The following CCN2 variants were observed in gnomAD, a reference collection of about 807,000 sequenced individuals.
CCN2 encodes the protein cellular communication network factor 2.
CCN2 carries 22 observed loss-of-function variants against 33.2 expected under a neutral mutation model. That is an observed-to-expected ratio of 0.66 (90% CI 0.47 to 0.95). CCN2 has a LOEUF of 0.95. Ranked by LOEUF, CCN2 falls within the 40% of genes least tolerant of loss-of-function variation. The pLI, the probability that CCN2 is intolerant of heterozygous loss-of-function variation, is 0.00. For synonymous variants in CCN2, 178 were observed against 200.6 expected (o/e 0.89, Z 0.95); for missense variants, 469 against 498.8 (o/e 0.94, Z 0.57).
At chr6:131,951,029 G>A in intron 1 of CCN2, 37 bp from the exon 2 acceptor site, 1 of 1,255,520 alleles carries the variant, frequency 8.0e-7, no homozygotes. Context: ...GCGCTCGGTC[G>A]GCGCGCACGC....
rs1159831226 is a variant in CCN2, at chr6:131,949,251, T to C, written c.*13A>G. ...TTCCAGTCTAATGAGTTAATGTCTC[T>C]CACTCTCTGGCTTCATGCCATGTCT... On this transcript the variant is annotated 3_prime_UTR_variant, in exon 5 of 5. Transcript: ENST00000367976. The C allele has an allele frequency of 1.4e-5, 22 of 1,608,958 alleles. No individual in the cohort carries two copies. Among genetic ancestry groups the C allele is most frequent in the Non-Finnish European group, 1.7e-5 (20 of 1,175,780 alleles).
Position 131,950,082 on chromosome 6 carries a change from C to T in CCN2, c.620G>A (p.Ser207Asn). The T allele has an allele frequency of 6.2e-7, 1 of 1,614,256 alleles. No homozygotes were observed. Among genetic ancestry groups the T allele is most frequent in the Middle Eastern group, 1.6e-4 (1 of 6,062 alleles). The change falls in exon 4 of 5, where the codon AGC becomes AAC. Residue 207 changes from serine to asparagine, a missense_variant. By Grantham distance (46) the Ser-to-Asn change is conservative (BLOSUM62 1). Transcript: ENST00000367976. The surrounding 1 kb of genome is among the most constrained non-coding windows in gnomAD (Gnocchi z 7.1). ...ANCLVQTTEW[S>N]ACSKTCGMGI... ...CATCCCACAGGTCTTGGAACAGGCGCTCCACTCTGTGGTCTGGACCAGGCA... is the reference window on the plus strand; with the variant it reads ...CATCCCACAGGTCTTGGAACAGGCGTTCCACTCTGTGGTCTGGACCAGGCA...
intron 1 of CCN2, 48 bp from the exon 2 acceptor site, chr6:131,951,040 C>T: frequency 1.6e-6 from 2 of 1,257,164 alleles, no homozygotes; most frequent in Non-Finnish European, 2.0e-6. Context: ...GCGCGCACGC[C>T]CTCCCCGGCC....
rs1048097884 is a variant in CCN2 at position 131,951,354 on chromosome 6, C to A, written c.-182G>T. The A allele has an allele frequency of 2.2e-6, 1 of 444,740 alleles. No individual in the cohort carries two copies. Among genetic ancestry groups the A allele is most frequent in the Non-Finnish European group, 3.6e-6 (1 of 276,850 alleles). The allele number at this position is 444,740 out of a possible 1,614,324, so 27.5% of individuals were successfully genotyped here. A position where few individuals can be genotyped will look rare whatever the true frequency, so the allele number is the denominator to read the frequency against. On this transcript the variant is annotated 5_prime_UTR_variant, in exon 1 of 5. Coordinates refer to ENST00000367976, the MANE Select transcript of CCN2 (RefSeq NM_001901.4). ...AGTCGCACTGGCTGTCTCCTCTCAG[C>A]GGGGAAGAGTTGTTGTGTGAGTTTG... is the stretch of plus-strand genomic sequence containing the variant.
rs774650167 is a variant in CCN2, at chr6:131,950,285, G to C, written c.541+7C>G. Reference sequence around the variant, plus strand: ...ACGACCCTGACTTAGAGGAAGACTCGACTCACCCGCGAGGGCAGGCCCAAC... The same window carrying C: ...ACGACCCTGACTTAGAGGAAGACTCCACTCACCCGCGAGGGCAGGCCCAAC... On this transcript the variant is annotated splice_region_variant and intron_variant, in intron 3 of 4. Coordinates refer to ENST00000367976, the MANE Select transcript of CCN2 (RefSeq NM_001901.4). This position sits in a 1 kb window ranked among gnomAD's most constrained non-coding sequence, Gnocchi z 7.1. 1 of 1,612,608 alleles carries C rather than the reference G, an allele frequency of 6.2e-7. No individual in the cohort carries two copies. Among genetic ancestry groups the C allele is most frequent in the Non-Finnish European group, 8.5e-7 (1 of 1,178,826 alleles).
chr6:131,950,756 G>C lies in CCN2; in HGVS notation c.289+14C>G. ...GGCGGCCGGACACCTAGCGGTGGGG[G>C]CTGCGGGTCTTACCGGTGCACACGC... On this transcript the variant is annotated intron_variant, in intron 2 of 4. Coordinates refer to ENST00000367976, the MANE Select transcript of CCN2 (RefSeq NM_001901.4). This position sits in a 1 kb window ranked among gnomAD's most constrained non-coding sequence, Gnocchi z 7.1. 6.5e-7 allele frequency: 1 copy of C among 1,531,234 alleles called. No individual in the cohort carries two copies. 94.9% of individuals were successfully genotyped at this position (1,531,234 alleles called of 1,614,324 possible).
Position 131,949,934 on chromosome 6 carries a change from G to A in CCN2, c.753+15C>T. On this transcript the variant is annotated intron_variant, in intron 4 of 4. Transcript: ENST00000367976. The stretch of plus-strand genomic sequence containing the variant: ...TTTTCCTGTGAAAAATAGTTAATAG[G>A]AGCAGAACATGTACCTTAATGTTCT... The A allele has an allele frequency of 1.2e-6, 2 of 1,613,230 alleles. No individual in the cohort carries two copies. Among genetic ancestry groups the A allele is most frequent in the Non-Finnish European group, 1.7e-6 (2 of 1,179,424 alleles).
In CCN2 at chr6:131,950,399, C is replaced by T; in HGVS notation, c.434G>A (p.Ser145Asn). Residue 145 changes from serine (S) to asparagine (N), a missense_variant, in exon 3 of 5, where the codon AGC (serine) becomes AAC (asparagine). Transcript: ENST00000367976. This position sits in a 1 kb window ranked among gnomAD's most constrained non-coding sequence, Gnocchi z 7.1. Reference protein sequence around the residue: ...PLCSMDVRLPSPDCPFPRRVK... With the variant: ...PLCSMDVRLPNPDCPFPRRVK... Reference sequence around the variant, plus strand: ...CCTCCTCGGGAAGGGGCAGTCAGGGCTGGGCAGACGAACGTCCATGCTGCA... The same window carrying T: ...CCTCCTCGGGAAGGGGCAGTCAGGGTTGGGCAGACGAACGTCCATGCTGCA... The T allele has an allele frequency of 6.2e-7, 1 of 1,614,114 alleles. No homozygotes were observed. Among genetic ancestry groups the T allele is most frequent in the Non-Finnish European group, 8.5e-7 (1 of 1,180,040 alleles).
rs1278376410 is a variant in CCN2, at chr6:131,948,327, G to A, written c.*937C>T. The A allele has an allele frequency of 6.6e-6, 1 of 152,512 alleles. No individual in the cohort carries two copies. The highest frequency in any genetic ancestry group is 1.5e-5 in the Non-Finnish European group (1 of 68,012). The allele number at this position is 152,512 out of a possible 1,614,324, so 9.4% of individuals were successfully genotyped here. A position where few individuals can be genotyped will look rare whatever the true frequency, so the allele number is the denominator to read the frequency against. On this transcript the variant is annotated 3_prime_UTR_variant, in exon 5 of 5. Coordinates refer to ENST00000367976, the MANE Select transcript of CCN2 (RefSeq NM_001901.4). The stretch of plus-strand genomic sequence containing the variant: ...TGAAAAAACTGATCAGCTATATAGA[G>A]TCACTCAGTTTTTAATAAAGGCCAT...
In CCN2 at chr6:131,950,191, A is replaced by G. The variant is rs373920181; in HGVS notation, c.542-31T>C. ...AGAGCAGAGCACACAAACACCATGT[A>G]AAACGCCTGGATAAGGTATTTCCCC... On this transcript the variant is annotated intron_variant, in intron 3 of 4. Coordinates refer to ENST00000367976, the MANE Select transcript of CCN2 (RefSeq NM_001901.4). This position sits in a 1 kb window ranked among gnomAD's most constrained non-coding sequence, Gnocchi z 7.1. The G allele has an allele frequency of 3.0e-5, 48 of 1,613,800 alleles. No individual in the cohort carries two copies. In the African/African-American group the frequency reaches 6.3e-4, roughly 21 times the overall value.
In CCN2 at chr6:131,949,147, C is replaced by T. The variant is rs1783060942; in HGVS notation, c.*117G>A. 11 of 925,738 alleles carry T rather than the reference C, an allele frequency of 1.2e-5. No individual in the cohort carries two copies. The South Asian group carries it at 1.6e-4, about 13-fold the overall frequency. 57.3% of individuals were successfully genotyped at this position (925,738 alleles called of 1,614,324 possible). Reference sequence around the variant, plus strand: ...TTGAATTGGGTGGGAATCTTTTCCCCCAGTTAGAAAAACAGATTTAAATAA... The same window carrying T: ...TTGAATTGGGTGGGAATCTTTTCCCTCAGTTAGAAAAACAGATTTAAATAA... On this transcript the variant is annotated 3_prime_UTR_variant, in exon 5 of 5. Transcript: ENST00000367976.
chr6:131,948,642 TACAC>T lies in CCN2; in HGVS notation c.*618_*621del, dbSNP rs35220939. 3.1e-3 allele frequency: 466 copies of T among 151,498 alleles called. 1 individual carries two copies. The highest frequency in any genetic ancestry group is 4.5e-3 in the Non-Finnish European group (308 of 68,044). The allele number at this position is 151,498 out of a possible 1,614,324, so 9.4% of individuals were successfully genotyped here. On this transcript the variant is annotated 3_prime_UTR_variant, in exon 5 of 5. Transcript: ENST00000367976. ...AGATAACTGTACATATATATATATA[TACAC>T]ACACACACACACACACAATATTTAC...
rs1323332598 is a variant in CCN2 at position 131,950,514 on chromosome 6, C to T, written c.319G>A (p.Gly107Ser). 8.7e-6 allele frequency: 14 copies of T among 1,613,596 alleles called. No homozygotes were observed. Among genetic ancestry groups the T allele is most frequent in the Non-Finnish European group, 1.1e-5 (13 of 1,179,998 alleles). ...GACTCTCCGCTGCGGTACACCGTAC[C>T]ACCGAAGATGCAGGGAGCACCATCT... The part of the protein sequence containing the change: ...AKDGAPCIFG[G>S]TVYRSGESFQ... The change falls in exon 3 of 5, where the codon GGT (glycine) becomes AGT (serine). Residue 107 changes from glycine (G) to serine (S), a missense_variant. Physicochemically the swap from Gly to Ser is moderately conservative, Grantham distance 56 (BLOSUM62 0). Transcript: ENST00000367976. This position sits in a 1 kb window ranked among gnomAD's most constrained non-coding sequence, Gnocchi z 7.1.
At position 131,950,378 on chromosome 6, in the gene CCN2, C is replaced by G; in HGVS notation, c.455G>C (p.Arg152Thr). The G allele has an allele frequency of 6.2e-7, 1 of 1,614,132 alleles. No homozygotes were observed. The change falls in exon 3 of 5, where the codon AGG becomes ACG. Residue 152 changes from arginine to threonine, a missense_variant. Transcript: ENST00000367976. The surrounding 1 kb of genome is among the most constrained non-coding windows in gnomAD (Gnocchi z 7.1). The part of the protein sequence containing the change: ...RLPSPDCPFP[R>T]RVKLPGKCCE... ...GCATTTCCCGGGCAGCTTGACCCTC[C>G]TCGGGAAGGGGCAGTCAGGGCTGGG...
intron 4 of CCN2, 109 bp downstream of exon 4, chr6:131,949,840 T>C: frequency 9.4e-7 from 1 of 1,068,248 alleles, no homozygotes; most frequent in South Asian, 1.6e-5. Context: ...AATGGTTAGA[T>C]AGTTTTGGAG....
rs547680313 is a variant in CCN2 at position 131,950,597 on chromosome 6, G to A, written c.290-54C>T. On this transcript the variant is annotated intron_variant, in intron 2 of 4. Coordinates refer to ENST00000367976, the MANE Select transcript of CCN2 (RefSeq NM_001901.4). The surrounding 1 kb of genome is among the most constrained non-coding windows in gnomAD (Gnocchi z 7.1). ...GGGGGATGCAGAGGTCAGGCATTGG[G>A]GCACTCTCACATCCAGAGCGTCAGG... The A allele has an allele frequency of 3.1e-6, 5 of 1,591,536 alleles. No homozygotes were observed. The Admixed American group carries it at 8.4e-5, about 27-fold the overall frequency.
Position 131,951,218 on chromosome 6 carries a change from G to C in CCN2, c.-46C>G, listed in dbSNP as rs1345449694. 7.9e-7 allele frequency: 1 copy of C among 1,263,806 alleles called. No homozygotes were observed. The highest frequency in any genetic ancestry group is 9.9e-7 in the Non-Finnish European group (1 of 1,005,814). The allele number at this position is 1,263,806 out of a possible 1,614,324, so 78.3% of individuals were successfully genotyped here. On this transcript the variant is annotated 5_prime_UTR_variant, in exon 1 of 5. Coordinates refer to ENST00000367976, the MANE Select transcript of CCN2 (RefSeq NM_001901.4). ...CGGAGGGCGCGGTGGCGGCGAGCGG[G>C]GAGCGGCGGGGCCTGGAGCGCTGGC...
Position 131,950,397 on chromosome 6 carries a change from G to C in CCN2, c.436C>G (p.Pro146Ala). The C allele has an allele frequency of 6.2e-7, 1 of 1,614,118 alleles. No individual in the cohort carries two copies. ...LCSMDVRLPS[P>A]DCPFPRRVKL... ...ACCCTCCTCGGGAAGGGGCAGTCAG[G>C]GCTGGGCAGACGAACGTCCATGCTG... is the stretch of plus-strand genomic sequence containing the variant. Residue 146 changes from proline to alanine, a missense_variant, in exon 3 of 5, where the codon CCT (proline) becomes GCT (alanine). Coordinates refer to ENST00000367976, the MANE Select transcript of CCN2 (RefSeq NM_001901.4). This position sits in a 1 kb window ranked among gnomAD's most constrained non-coding sequence, Gnocchi z 7.1.
At position 131,950,952 on chromosome 6, in the gene CCN2, G is replaced by C. The variant is rs961009845; in HGVS notation, c.107C>G (p.Pro36Arg). The change falls in exon 2 of 5, where the codon CCG becomes CGG. Residue 36 changes from proline to arginine, a missense_variant. Physicochemically the swap from Pro to Arg is moderately radical, Grantham distance 103. Coordinates refer to ENST00000367976, the MANE Select transcript of CCN2 (RefSeq NM_001901.4). This position sits in a 1 kb window ranked among gnomAD's most constrained non-coding sequence, Gnocchi z 7.1. ...CGGGCAGCGCGGCGCCGGCTCGTCCGGGCACCGGCACGGCCCGCTGCAGTT... is the reference window on the plus strand; with the variant it reads ...CGGGCAGCGCGGCGCCGGCTCGTCCCGGCACCGGCACGGCCCGCTGCAGTT... ...GQNCSGPCRCPDEPAPRCPAG... is the reference protein window; with the variant it reads ...GQNCSGPCRCRDEPAPRCPAG... 1 of 1,389,530 alleles carries C rather than the reference G, an allele frequency of 7.2e-7. No individual in the cohort carries two copies. Among genetic ancestry groups the C allele is most frequent in the Non-Finnish European group, 9.2e-7 (1 of 1,082,864 alleles). The allele number at this position is 1,389,530 out of a possible 1,614,324, so 86.1% of individuals were successfully genotyped here. A position where few individuals can be genotyped will look rare whatever the true frequency, so the allele number is the denominator to read the frequency against.
Sources: allele counts gnomAD v4.1 joint callset, GRCh38; gene constraint gnomAD v4.1.1; non-coding constraint Gnocchi (gnomAD v3.1); transcripts MANE v1.5; gene names NCBI Gene and HGNC (gene_info 2026-07-23, HGNC 2026-07-21).